TAF1: variants seen among roughly 807,000 people sequenced by gnomAD.
TAF1 encodes TATA-box binding protein associated factor 1.
A neutral mutation model predicts 138.5 loss-of-function variants in TAF1; 2 were observed. The observed-to-expected ratio is 0.01, with a 90% CI of 0.01 to 0.05. TAF1 has a LOEUF of 0.05. Among genes scored for constraint, TAF1 ranks in the 10% least tolerant of loss-of-function variants. The pLI is 1.00. For missense variants in TAF1, 709 were observed against 1,478.0 expected (o/e 0.48, Z 8.53); for synonymous variants, 437 against 503.2 (o/e 0.87, Z 1.76).
rs188682731 is a variant in TAF1, at chrX:71,437,134, T to G, written c.4753+12896T>G. On this transcript the variant is annotated intron_variant, in intron 32 of 37. Transcript: ENST00000423759. ...CTAGGTAATTTAAAAGTTTTTATTT[T>G]GTTTATTTATTTTTCATTGTCGATA... Among the ~76,000 whole-genome samples the G allele has an allele frequency of 3.1e-3, 347 of 111,973 alleles. 2 individuals are homozygous for G. Among genetic ancestry groups the G allele is most frequent in the African/African-American group, 0.011 (334 of 30,943 alleles).
At chrX:71,406,066 C>T (rs1448582994) in intron 25 of TAF1, among the ~76,000 whole-genome samples, 1 of 108,880 alleles carries the variant, frequency 9.2e-6, no homozygotes. Context: ...CGATGGCTCA[C>T]ACCTGTAATC....
At chrX:71,485,973 T>A (rs2039163695) in intron 13 of TAF1, among the ~76,000 whole-genome samples, 2 of 109,567 alleles carry the variant, frequency 1.8e-5, no homozygotes, top group Admixed American at 9.9e-5. Context: ...TTATTTATTA[T>A]TTATTTATTT....
At position 71,441,578 on chromosome X, in the gene TAF1, C is replaced by CAACACAATATAT. The variant is rs2037424417; in HGVS notation, c.4754-12592_4754-12591insAACACAATATAT. On this transcript the variant is annotated intron_variant, in intron 32 of 37. Coordinates refer to ENST00000423759, the MANE Select transcript of TAF1 (RefSeq NM_004606.5). ...TTTTTGTGTTGAGAATGTGCAACAT[C>CAACACAATATAT]CTTCTAGCTATTTGAAACTATATAT... 1.3e-5 allele frequency: 3 copies of CAACACAATATAT among 234,870 alleles called. No individual in the cohort carries two copies. In the Admixed American group the frequency reaches 1.9e-4, roughly 15 times the overall value. The allele number at this position is 234,870 out of a possible 1,213,427, so 19.4% of individuals were successfully genotyped here. A position where few individuals can be genotyped will look rare whatever the true frequency, so the allele number is the denominator to read the frequency against.
intron 28 of TAF1, among the ~76,000 whole-genome samples, chrX:71,409,051 G>T (rs2035631461): frequency 9.0e-6 from 1 of 110,862 alleles, no homozygotes; most frequent in African/African-American, 3.3e-5. Context: ...GTTCAGTGTG[G>T]ATGGAACCTG....
downstream of TAF1, among the ~76,000 whole-genome samples, chrX:71,467,343 A>G (rs1441245177): frequency 9.1e-6 from 1 of 110,405 alleles, no homozygotes; most frequent in African/African-American, 3.3e-5. Flanking sequence ...TCTGGGCTCA[A>G]GCAATCTTCC....
At chrX:71,370,108 G>A (rs1345907483) in intron 3 of TAF1, among the ~76,000 whole-genome samples, 3 of 111,058 alleles carry the variant, frequency 2.7e-5, no homozygotes, top group Non-Finnish European at 3.8e-5. Flanking sequence ...GCCTGTAGTC[G>A]CAGCTACTCA....
chrX:71,425,298 C>T (rs1003130100), intron 32 of TAF1, among the ~76,000 whole-genome samples: 11 of 111,419 alleles, frequency 9.9e-5, no homozygotes, highest in Non-Finnish European at 2.1e-4. Context: ...TCACTGTCCT[C>T]AAGTAATTCA....
chrX:71,457,657 CAT>C (rs1355776408), intron 34 of TAF1, among the ~76,000 whole-genome samples: 1 of 111,845 alleles, frequency 8.9e-6, no homozygotes, highest in East Asian at 2.8e-4. Flanking sequence ...CATTATCATC[CAT>C]GTTTTATAGT....
At chrX:71,507,047 T>C (rs1444080526) in intron 13 of TAF1, among the ~76,000 whole-genome samples, 1 of 111,941 alleles carries the variant, frequency 8.9e-6, no homozygotes, top group Non-Finnish European at 1.9e-5. Flanking sequence ...TGCAGATTAG[T>C]GGTTTCTAGA....
At chrX:71,397,763 A>G (rs2034935738) in intron 23 of TAF1, among the ~76,000 whole-genome samples, 2 of 111,154 alleles carry the variant, frequency 1.8e-5, no homozygotes, top group African/African-American at 3.3e-5. Context: ...GATTACAGGC[A>G]TGAACCACGG....
intron 15 of TAF1, 48 bp from the exon 16 acceptor site, chrX:71,388,189 T>C: frequency 8.3e-7 from 1 of 1,202,975 alleles, no homozygotes; most frequent in Non-Finnish European, 1.1e-6. Flanking sequence ...TAGTGAGGAC[T>C]TTTATCCTTT....
chrX:71,366,659 T>C (rs2148111810), intron 1 of TAF1, among the ~76,000 whole-genome samples, 165 bp downstream of exon 1: 1 of 108,620 alleles, frequency 9.2e-6, no homozygotes, highest in African/African-American at 3.4e-5. Flanking sequence ...GGCGTGGGAG[T>C]GATCGTTCTG....
chrX:71,407,461 A>G, intron 26 of TAF1, 113 bp from the exon 27 acceptor site: 1 of 642,049 alleles, frequency 1.6e-6, no homozygotes, highest in Non-Finnish European at 2.5e-6. Context: ...CAAGTGGTCC[A>G]CCCACCTCAG....
chrX:71,471,461 C>CTTT (rs1279972405), intron 13 of TAF1, among the ~76,000 whole-genome samples: 2 of 87,331 alleles, frequency 2.3e-5, no homozygotes, highest in Non-Finnish European at 4.4e-5. Context: ...GAAATGGTCA[C>CTTT]TTTTTTTTTT....
At position 71,407,897 on chromosome X, in the gene TAF1, G is replaced by A. The variant is rs982911481; in HGVS notation, c.4207-77G>A. ...TCAGTGTTGATAGCCAGGTAGATAG[G>A]TAAGATGTGAAAGTCTTCAGGAATT... On this transcript the variant is annotated intron_variant, in intron 27 of 37. Transcript: ENST00000423759. 1.1e-5 allele frequency: 12 copies of A among 1,133,816 alleles called. No homozygotes were observed. In the Middle Eastern group the frequency reaches 1.9e-3, roughly 178 times the overall value. The allele number at this position is 1,133,816 out of a possible 1,213,427, so 93.4% of individuals were successfully genotyped here.
At chrX:71,518,622 A>G (rs1445230290) in intron 13 of TAF1, among the ~76,000 whole-genome samples, 3 of 110,516 alleles carry the variant, frequency 2.7e-5, no homozygotes, top group African/African-American at 3.3e-5. Context: ...TAATTTCATA[A>G]CACTTCAACA....
rs751503229 is a variant in TAF1 at position 71,454,864 on chromosome X, C to T, written c.4938+7C>T. ...AGGGCCCTACACGCCTCAGGTGAGT[C>T]TGAGGACTAAGTACTTCCTCATATA... is the stretch of plus-strand genomic sequence containing the variant. On this transcript the variant is annotated splice_region_variant and intron_variant, in intron 34 of 37. Coordinates refer to ENST00000423759, the MANE Select transcript of TAF1 (RefSeq NM_004606.5). 2 of 1,206,288 alleles carry T rather than the reference C, an allele frequency of 1.7e-6. No homozygotes were observed. The highest frequency in any genetic ancestry group is 5.9e-5 in the East Asian group (2 of 33,829).
chrX:71,513,801 G>A (rs1305145237), intron 13 of TAF1, among the ~76,000 whole-genome samples: 1 of 111,241 alleles, frequency 9.0e-6, no homozygotes, highest in East Asian at 2.8e-4. Flanking sequence ...GGGTTGAGTG[G>A]GGACTTGGAG....
At chrX:71,411,465 C>T (rs1273410673) in intron 28 of TAF1, among the ~76,000 whole-genome samples, 4 of 110,457 alleles carry the variant, frequency 3.6e-5, no homozygotes, top group Non-Finnish European at 5.7e-5. Flanking sequence ...TGCGAGAGAG[C>T]GAGACTCTGT....
Sources: gnomAD v4.1 joint callset for allele counts (sites outside exome capture counted in the v4.1 genomes callset) on GRCh38, gnomAD v4.1.1 for gene constraint, MANE v1.5 for transcripts, NCBI Gene and HGNC (gene_info 2026-07-23, HGNC 2026-07-21) for gene names.